The following BEAN1 variants were observed in gnomAD, a reference collection of about 807,000 sequenced individuals.
BEAN1 encodes protein BEAN1.
BEAN1 carries 17 observed loss-of-function variants against 17.7 expected under a neutral mutation model. The observed-to-expected ratio is 0.96, with a 90% CI of 0.66 to 1.44. The LOEUF (loss-of-function observed/expected upper bound fraction) is 1.44, where lower values mean the gene tolerates loss of function less well. Among genes scored for constraint, BEAN1 ranks in the 40% most tolerant of loss-of-function variants. The pLI is 0.00. For synonymous variants in BEAN1, 142 were observed against 151.8 expected, an observed-to-expected ratio of 0.94 and a Z score of 0.47; for missense variants, 359 against 374.1, an observed-to-expected ratio of 0.96 and a Z score of 0.33.
intron 2 of BEAN1, among the ~76,000 whole-genome samples, chr16:66,459,972 T>C (rs1284821302): frequency 6.6e-6 from 1 of 152,178 alleles, no homozygotes; most frequent in Admixed American, 6.5e-5. Context: ...GATGGGCCAA[T>C]GGGTGACTGG....
intron 3 of BEAN1, among the ~76,000 whole-genome samples, chr16:66,474,239 T>C (rs557056405): frequency 7.9e-5 from 12 of 152,224 alleles, no homozygotes; most frequent in South Asian, 2.1e-4. Context: ...ACCTGGCTAA[T>C]GGGTAAATAC....
chr16:66,466,974 T>C (rs1229055066), intron 2 of BEAN1, among the ~76,000 whole-genome samples: 4 of 152,188 alleles, frequency 2.6e-5, no homozygotes, highest in African/African-American at 9.7e-5. Context: ...AACTTAAGGA[T>C]GGAAGTGTAG....
intron 3 of BEAN1, 168 bp downstream of exon 3, chr16:66,470,033 T>TC: frequency 1.1e-6 from 1 of 945,800 alleles, no homozygotes; most frequent in Non-Finnish European, 1.5e-6. Flanking sequence ...ACCATAATGT[T>TC]CTCGGTGACA....
intron 2 of BEAN1, among the ~76,000 whole-genome samples, chr16:66,443,061 A>T (rs1323307439): frequency 6.6e-6 from 1 of 151,906 alleles, no homozygotes; most frequent in Admixed American, 6.6e-5. Flanking sequence ...AGACATCACT[A>T]ATCAATTGTA....
chr16:66,441,356 G>A (rs540475375), intron 2 of BEAN1, among the ~76,000 whole-genome samples: 37 of 152,110 alleles, frequency 2.4e-4, no homozygotes, highest in Admixed American at 1.8e-3. Context: ...AAGGAAACCC[G>A]GAAATCCCAG....
chr16:66,489,074 A>C (rs2142485859), intron 4 of BEAN1, among the ~76,000 whole-genome samples: 2 of 152,152 alleles, frequency 1.3e-5, no homozygotes, highest in Non-Finnish European at 2.9e-5. Flanking sequence ...TGGGAGTCTG[A>C]GACAGGAGAA....
chr16:66,469,733 A>T lies in BEAN1; in HGVS notation c.157A>T (p.Thr53Ser), dbSNP rs1963396347. The T allele has an allele frequency of 1.9e-5, 29 of 1,535,718 alleles. No individual in the cohort carries two copies. The highest frequency in any genetic ancestry group is 2.5e-5 in the Non-Finnish European group (29 of 1,146,834). Residue 53 changes from threonine to serine, a missense_variant, in exon 3 of 5, where the codon ACC becomes TCC. Transcript: ENST00000536005. ...TGTGGTCATCATCCTCTCCTGCATCACCATCATTGTGGGCAGCATCCGCAG... is the reference window on the plus strand; with the variant it reads ...TGTGGTCATCATCCTCTCCTGCATCTCCATCATTGTGGGCAGCATCCGCAG... The part of the protein sequence containing the change: ...IGVVIILSCI[T>S]IIVGSIRRDR...
In BEAN1 at chr16:66,434,172, G is replaced by C. The variant is rs927059351; in HGVS notation, c.-82-3423G>C. ...AAGAGAGGCGGGCAGGGGAAGAGGTGACCACGCTTGGCCTAGCAGCTGGGG... is the reference window on the plus strand; with the variant it reads ...AAGAGAGGCGGGCAGGGGAAGAGGTCACCACGCTTGGCCTAGCAGCTGGGG... On this transcript the variant is annotated intron_variant, in intron 1 of 4. Coordinates refer to ENST00000536005, the MANE Select transcript of BEAN1 (RefSeq NM_001178020.3). This position sits in a 1 kb window ranked among gnomAD's most constrained non-coding sequence, Gnocchi z 4.3. 1.3e-5 allele frequency among the ~76,000 whole-genome samples: 2 copies of C among 152,148 alleles called. No homozygotes were observed. Among genetic ancestry groups the C allele is most frequent in the African/African-American group, 4.8e-5 (2 of 41,430 alleles).
chr16:66,431,298 A>C (rs1961789533), intron 1 of BEAN1, among the ~76,000 whole-genome samples: 1 of 152,178 alleles, frequency 6.6e-6, no homozygotes, highest in Non-Finnish European at 1.5e-5. Flanking sequence ...ACAACAAACA[A>C]ACAAAAACCC....
chr16:66,494,087 T>A (rs1424421379), downstream of BEAN1, among the ~76,000 whole-genome samples: 3 of 152,004 alleles, frequency 2.0e-5, no homozygotes, highest in Non-Finnish European at 4.4e-5. Context: ...AAAGACACCA[T>A]CCCAGCAATA....
exon 5 of BEAN1, chr16:66,493,356 G>A (rs1289600686): frequency 1.5e-6 from 1 of 668,412 alleles, no homozygotes; most frequent in African/African-American, 1.8e-5. Context: ...GGCACTGCTG[G>A]CCAGAGATCT....
chr16:66,448,029 A>T (rs1031034760), intron 2 of BEAN1, among the ~76,000 whole-genome samples: 2 of 152,350 alleles, frequency 1.3e-5, no homozygotes, highest in Admixed American at 1.3e-4. Context: ...CTTTAAAAAG[A>T]CAGATGTCAC....
intron 3 of BEAN1, among the ~76,000 whole-genome samples, chr16:66,470,676 G>A (rs1482409103): frequency 6.6e-6 from 1 of 152,248 alleles, no homozygotes; most frequent in East Asian, 1.9e-4. Flanking sequence ...CCCTTAAACA[G>A]AGTTGGTGGC....
chr16:66,489,566 A>C (rs1411572225), intron 4 of BEAN1, among the ~76,000 whole-genome samples: 1 of 152,156 alleles, frequency 6.6e-6, no homozygotes, highest in Non-Finnish European at 1.5e-5. Context: ...AATGAGTAGC[A>C]CCCACAGTGT....
chr16:66,466,722 C>T (rs1219559856), intron 2 of BEAN1, among the ~76,000 whole-genome samples: 1 of 152,134 alleles, frequency 6.6e-6, no homozygotes, highest in African/African-American at 2.4e-5. Context: ...CCCACCACCA[C>T]GCCCGGGTAA....
At chr16:66,452,472 C>T (rs1170986134) in intron 2 of BEAN1, among the ~76,000 whole-genome samples, 1 of 152,164 alleles carries the variant, frequency 6.6e-6, no homozygotes, top group Non-Finnish European at 1.5e-5. Flanking sequence ...GCCTGGGCAG[C>T]ATGGTGAACA....
chr16:66,493,999 C>T (rs565758109), downstream of BEAN1, among the ~76,000 whole-genome samples: 10 of 152,294 alleles, frequency 6.6e-5, no homozygotes, highest in South Asian at 1.9e-3. Context: ...GAGGTCTACC[C>T]AGGCTCCCCT....
Position 66,480,821 on chromosome 16 carries a change from T to C in BEAN1, c.676T>C (p.Ser226Pro). Residue 226 changes from serine to proline, a missense_variant, in exon 5 of 5, where the codon TCA (serine) becomes CCA (proline). Coordinates refer to ENST00000536005, the MANE Select transcript of BEAN1 (RefSeq NM_001178020.3). ...YEAVCGAGPP[S>P]GLLPLPGPDP... ...GGCTGTGTGCGGGGCTGGCCCCCCA[T>C]CAGGCCTGCTGCCACTGCCGGGCCC... 6.5e-7 allele frequency: 1 copy of C among 1,538,736 alleles called. No individual in the cohort carries two copies. The highest frequency in any genetic ancestry group is 1.4e-5 in the African/African-American group (1 of 72,958).
At chr16:66,474,700 G>T (rs1202628388) in intron 3 of BEAN1, among the ~76,000 whole-genome samples, 1 of 144,540 alleles carries the variant, frequency 6.9e-6, no homozygotes, top group African/African-American at 2.6e-5. Context: ...AGAAAGAAGA[G>T]AGAGAAAAAA....
Sources: allele counts gnomAD v4.1 joint callset (sites outside exome capture counted in the v4.1 genomes callset), GRCh38; gene constraint gnomAD v4.1.1; non-coding constraint Gnocchi (gnomAD v3.1); transcripts MANE v1.5; gene names NCBI Gene and HGNC (gene_info 2026-07-23, HGNC 2026-07-21).